AKAP6: variants seen among roughly 807,000 people sequenced by gnomAD.
AKAP6 encodes A-kinase anchor protein 6.
Under a neutral mutation model 188.5 loss-of-function variants are expected in AKAP6, and 58 were observed. The observed-to-expected ratio is 0.31, with a 90% CI of 0.25 to 0.38. The LOEUF is 0.38. Among genes scored for constraint, AKAP6 ranks in the 10% least tolerant of loss-of-function variants. The probability of loss-of-function intolerance (pLI) is 1.00; values close to 1 mark genes in which losing one functional copy is unlikely to be tolerated. For synonymous variants in AKAP6, 989 were observed against 998.6 expected (o/e 0.99, Z 0.18); for missense variants, 2,710 against 2,740.0 (o/e 0.99, Z 0.24).
intron 10 of AKAP6, among the ~76,000 whole-genome samples, chr14:32,735,109 AC>A (rs2031353606): frequency 1.3e-5 from 2 of 152,146 alleles, no homozygotes; most frequent in South Asian, 4.1e-4. Flanking sequence ...CAACAACATC[AC>A]CAAGGAGGCT....
chr14:32,614,530 A>G (rs73259196), intron 7 of AKAP6, among the ~76,000 whole-genome samples: 5 of 152,188 alleles, frequency 3.3e-5, no homozygotes, highest in Admixed American at 6.5e-5. Flanking sequence ...TATACTTCTC[A>G]TCATAAAAGG....
At chr14:32,503,268 T>C (rs1880697304) in intron 2 of AKAP6, among the ~76,000 whole-genome samples, 2 of 152,130 alleles carry the variant, frequency 1.3e-5, no homozygotes, top group Admixed American at 1.3e-4. Flanking sequence ...ATTTTTCAGT[T>C]GTGTTGTTGG....
intron 2 of AKAP6, among the ~76,000 whole-genome samples, chr14:32,481,656 C>T (rs113469266): frequency 0.048 from 7,292 of 152,144 alleles, 569 homozygotes; most frequent in African/African-American, 0.16. Context: ...TACCTCCCAC[C>T]GGGTCCCTCC....
intron 1 of AKAP6, among the ~76,000 whole-genome samples, chr14:32,431,346 G>A (rs1015945979): frequency 1.2e-4 from 19 of 152,104 alleles, no homozygotes; most frequent in African/African-American, 4.3e-4. Flanking sequence ...AAAAAGTGTG[G>A]GGTATGGATT....
chr14:32,824,670 A>T lies in AKAP6; in HGVS notation c.6857A>T (p.Gln2286Leu). ...CAAGACCTCTCCTTGAAGGCAAATC[A>T]GCCAACAGACAAGGCCGCATTGCAT... ...KVQDLSLKAN[Q>L]PTDKAALHPS... is the part of the protein sequence containing the mutation. Residue 2286 changes from glutamine (Q) to leucine (L), a missense_variant, in exon 13 of 14, where the codon CAG becomes CTG. Coordinates refer to ENST00000280979, the MANE Select transcript of AKAP6 (RefSeq NM_004274.5). 1 of 1,613,956 alleles carries T rather than the reference A, an allele frequency of 6.2e-7. No individual in the cohort carries two copies. The highest frequency in any genetic ancestry group is 8.5e-7 in the Non-Finnish European group (1 of 1,179,916).
intron 12 of AKAP6, among the ~76,000 whole-genome samples, chr14:32,805,042 T>C (rs2034053512): frequency 1.3e-5 from 2 of 152,168 alleles, no homozygotes; most frequent in African/African-American, 4.8e-5. Flanking sequence ...AACACATGTT[T>C]TACAATCAAT....
At chr14:32,531,714 A>T (rs1195540716) in intron 2 of AKAP6, among the ~76,000 whole-genome samples, 1 of 152,210 alleles carries the variant, frequency 6.6e-6, no homozygotes, top group Non-Finnish European at 1.5e-5. Flanking sequence ...TTATGAGAAT[A>T]TTATTTATAT....
intron 12 of AKAP6, among the ~76,000 whole-genome samples, chr14:32,792,681 A>C (rs956824882): frequency 8.5e-5 from 13 of 152,202 alleles, no homozygotes; most frequent in Non-Finnish European, 1.6e-4. Flanking sequence ...GAGAGAAGGC[A>C]TCCTTGTCTT....
chr14:32,654,011 C>T (rs913551881), intron 7 of AKAP6, among the ~76,000 whole-genome samples: 5 of 152,080 alleles, frequency 3.3e-5, no homozygotes, highest in Non-Finnish European at 7.3e-5. Context: ...TTCTGCCATG[C>T]GCACAAGTCT....
Position 32,421,550 on chromosome 14 carries a change from A to G in AKAP6, c.-34-11910A>G, listed in dbSNP as rs868072797. 7.9e-5 allele frequency among the ~76,000 whole-genome samples: 12 copies of G among 152,044 alleles called. No individual in the cohort carries two copies. The South Asian group carries it at 1.7e-3, about 21-fold the overall frequency. On this transcript the variant is annotated intron_variant, in intron 1 of 13. Coordinates refer to ENST00000280979, the MANE Select transcript of AKAP6 (RefSeq NM_004274.5). ...ATGGATATAATATCTTATCTCTGAT[A>G]ATCTTTCTTTTTTACCGAAATCATA...
intron 11 of AKAP6, among the ~76,000 whole-genome samples, chr14:32,737,858 C>T (rs547446785): frequency 8.5e-5 from 13 of 152,260 alleles, no homozygotes; most frequent in African/African-American, 2.6e-4. Flanking sequence ...GACAGAACTG[C>T]GTTTCCTTCT....
intron 2 of AKAP6, among the ~76,000 whole-genome samples, chr14:32,495,689 C>A (rs983501460): frequency 6.6e-6 from 1 of 152,176 alleles, no homozygotes; most frequent in Non-Finnish European, 1.5e-5. Flanking sequence ...AATTTACCTT[C>A]CTCTTTTCTG....
At chr14:32,512,326 G>T (rs1881301651) in intron 2 of AKAP6, among the ~76,000 whole-genome samples, 1 of 152,146 alleles carries the variant, frequency 6.6e-6, no homozygotes. Context: ...AGAGAAGAAA[G>T]TTCTTTCTCA....
intron 1 of AKAP6, among the ~76,000 whole-genome samples, chr14:32,337,163 T>A (rs1886730377): frequency 6.6e-6 from 1 of 152,186 alleles, no homozygotes; most frequent in African/African-American, 2.4e-5. Context: ...TGGTATATGA[T>A]GTGGTAGAAG....
intron 11 of AKAP6, among the ~76,000 whole-genome samples, chr14:32,758,191 C>T (rs1442533024): frequency 6.6e-6 from 1 of 152,146 alleles, no homozygotes; most frequent in Non-Finnish European, 1.5e-5. Context: ...CTGAGCTCAT[C>T]TAGCTAACTT....
chr14:32,725,002 A>AAAC (rs1555356202), intron 9 of AKAP6, among the ~76,000 whole-genome samples: 3 of 148,826 alleles, frequency 2.0e-5, no homozygotes, highest in African/African-American at 7.4e-5. Context: ...AAAAAAAAAA[A>AAAC]AAAAAAAAAA....
rs76360754 is a variant in AKAP6 at position 32,768,460 on chromosome 14, A to G, written c.3373-5218A>G. 3.5e-3 allele frequency among the ~76,000 whole-genome samples: 535 copies of G among 152,368 alleles called. 4 individuals are homozygous for G. The highest frequency in any genetic ancestry group is 0.012 in the African/African-American group (491 of 41,592). On this transcript the variant is annotated intron_variant, in intron 11 of 13. Transcript: ENST00000280979. ...ATACTGGATCCAAATGACCTAATAC[A>G]TAATTGCACTGGAAATTCTGGAGAT...
At chr14:32,708,361 G>A (rs1265008945) in intron 9 of AKAP6, among the ~76,000 whole-genome samples, 2 of 151,660 alleles carry the variant, frequency 1.3e-5, no homozygotes, top group East Asian at 3.9e-4. Flanking sequence ...TTTAGTCCAA[G>A]TTTATGATGA....
Position 32,822,038 on chromosome 14 carries a change from T to A in AKAP6, c.4225T>A (p.Leu1409Ile), listed in dbSNP as rs1039399181. 6.8e-6 allele frequency: 11 copies of A among 1,613,848 alleles called. No homozygotes were observed. In the African/African-American group the frequency reaches 1.5e-4, roughly 22 times the overall value. The change falls in exon 13 of 14, where the codon TTA becomes ATA. Residue 1409 changes from leucine to isoleucine, a missense_variant. Physicochemically the swap from Leu to Ile is conservative, Grantham distance 5 (BLOSUM62 2). This residue lies in a region of AKAP6 where 2,473 missense variants were observed against 2,426.1 expected (regional missense o/e 1.02). Transcript: ENST00000280979. Reference sequence around the variant, plus strand: ...ACAAATGGGAGATGCAGTTAACGTGTTAAAGCAAAAATTTACAGATGAGGG... The same window carrying A: ...ACAAATGGGAGATGCAGTTAACGTGATAAAGCAAAAATTTACAGATGAGGG... Reference protein sequence around the residue: ...DPQMGDAVNVLKQKFTDEGES... With the variant: ...DPQMGDAVNVIKQKFTDEGES...
Sources: gnomAD v4.1 joint callset for allele counts (sites outside exome capture counted in the v4.1 genomes callset) on GRCh38, gnomAD v4.1.1 for gene constraint, gnomAD v4.1.1 regional missense constraint, MANE v1.5 for transcripts, NCBI Gene and HGNC (gene_info 2026-07-23, HGNC 2026-07-21) for gene names.